TSPAN14: variants seen among roughly 807,000 people sequenced by gnomAD.
TSPAN14 encodes tetraspanin-14.
In TSPAN14, 16 loss-of-function variants were observed where a neutral mutation model predicts 36.6. The ratio of observed to expected loss-of-function variants is 0.44; its 90% CI spans 0.30 to 0.66. The LOEUF is 0.66. Among genes scored for constraint, TSPAN14 ranks in the 30% least tolerant of loss-of-function variants. The pLI is 0.12. For synonymous variants in TSPAN14, 139 were observed against 143.8 expected, an observed-to-expected ratio of 0.97 and a Z score of 0.24; for missense variants, 231 against 355.1, an observed-to-expected ratio of 0.65 and a Z score of 2.81.
chr10:80,503,092 G>T (rs1334442045), intron 2 of TSPAN14, among the ~76,000 whole-genome samples: 1 of 143,870 alleles, frequency 7.0e-6, no homozygotes, highest in African/African-American at 2.5e-5. Flanking sequence ...GAGGGAGGCA[G>T]GTCCCTGGGG....
exon 9 of TSPAN14, chr10:80,518,088 CA>C: frequency 9.2e-7 from 1 of 1,086,766 alleles, no homozygotes. Flanking sequence ...GCCAGTGCCC[CA>C]TCTTAAGCAT....
intron 1 of TSPAN14, among the ~76,000 whole-genome samples, chr10:80,472,737 G>A (rs541966892): frequency 6.6e-6 from 1 of 152,314 alleles, no homozygotes; most frequent in South Asian, 2.1e-4. Flanking sequence ...CTCTGTGTGT[G>A]TATTAGAATG....
intron 1 of TSPAN14, among the ~76,000 whole-genome samples, chr10:80,488,006 T>A (rs1210881758): frequency 3.3e-5 from 5 of 151,362 alleles, no homozygotes; most frequent in Non-Finnish European, 7.4e-5. Flanking sequence ...CAGGAAGGGG[T>A]TTTGCAAGTA....
intron 4 of TSPAN14, among the ~76,000 whole-genome samples, chr10:80,508,785 C>G (rs1840451876): frequency 1.3e-5 from 2 of 152,318 alleles, no homozygotes; most frequent in African/African-American, 2.4e-5. Flanking sequence ...GCCATAGTTT[C>G]CTCATCCCTA....
intron 2 of TSPAN14, among the ~76,000 whole-genome samples, chr10:80,498,335 T>G (rs1470426956): frequency 1.3e-5 from 2 of 152,194 alleles, no homozygotes; most frequent in Non-Finnish European, 2.9e-5. Context: ...CTTATTTTGC[T>G]GATTGACAGA....
chr10:80,474,235 T>C (rs918292409), intron 1 of TSPAN14, among the ~76,000 whole-genome samples: 3 of 152,016 alleles, frequency 2.0e-5, no homozygotes, highest in Non-Finnish European at 4.4e-5. Context: ...TGTTGAAGGA[T>C]TGGCTTCGGA....
intron 5 of TSPAN14, among the ~76,000 whole-genome samples, chr10:80,511,751 TCTCTCTCTCTC>T (rs1564745211): frequency 7.0e-6 from 1 of 143,422 alleles, no homozygotes; most frequent in Non-Finnish European, 1.5e-5. Context: ...TCTCTCTCTC[TCTCTCTCTCTC>T]TCTCTCTCTC....
At chr10:80,474,391 G>A (rs1035937294) in intron 1 of TSPAN14, among the ~76,000 whole-genome samples, 4 of 151,784 alleles carry the variant, frequency 2.6e-5, no homozygotes, top group African/African-American at 9.7e-5. Context: ...AAGGTAGAGA[G>A]CCAGGTAAGA....
At chr10:80,472,097 C>T (rs1221061717) in intron 1 of TSPAN14, among the ~76,000 whole-genome samples, 1 of 152,100 alleles carries the variant, frequency 6.6e-6, no homozygotes, top group African/African-American at 2.4e-5. Flanking sequence ...GTGACGGTGC[C>T]ACTGCACTCC....
chr10:80,501,620 A>G (rs1848530546), intron 2 of TSPAN14, among the ~76,000 whole-genome samples: 2 of 152,176 alleles, frequency 1.3e-5, no homozygotes, highest in Non-Finnish European at 2.9e-5. Flanking sequence ...GCTGTTAGGC[A>G]GGGGCTGGAA....
In TSPAN14 at chr10:80,499,902, C is replaced by A. The variant is rs559211911; in HGVS notation, c.82-4826C>A. 3.1e-5 allele frequency among the ~76,000 whole-genome samples: 4 copies of A among 127,630 alleles called. No individual in the cohort carries two copies. In the South Asian group the frequency reaches 1.1e-3, roughly 35 times the overall value. The allele number at this position is 127,630 out of a possible 152,430, so 83.7% of individuals were successfully genotyped here. On this transcript the variant is annotated intron_variant, in intron 2 of 8. Coordinates refer to ENST00000429989, the Ensembl canonical transcript of TSPAN14. ...TCTTCAGTAGGTAATTCAATTAGGT[C>A]ATGGGAGGGAGACAAAGAAGGTCAC...
At chr10:80,480,063 T>C (rs1847163364) in intron 1 of TSPAN14, among the ~76,000 whole-genome samples, 1 of 149,582 alleles carries the variant, frequency 6.7e-6, no homozygotes, top group Non-Finnish European at 1.5e-5. Context: ...CAATTGTGAA[T>C]GGGAGTTCAC....
exon 9 of TSPAN14, chr10:80,520,961 A>G (rs1841240804): frequency 2.3e-6 from 1 of 433,176 alleles, no homozygotes. Flanking sequence ...GGGGAATCCC[A>G]CTACCCACAG....
intron 2 of TSPAN14, among the ~76,000 whole-genome samples, chr10:80,502,271 G>T (rs796535497): frequency 2.0e-5 from 3 of 152,326 alleles, no homozygotes; most frequent in South Asian, 2.1e-4. Flanking sequence ...TGTGTGTGAA[G>T]CCTGGCTGCA....
intron 3 of TSPAN14, 97 bp from the exon 4 acceptor site, chr10:80,507,131 G>A (rs1589293744): frequency 6.7e-7 from 1 of 1,482,590 alleles, no homozygotes; most frequent in Non-Finnish European, 9.2e-7. Context: ...GCCTGGGGAA[G>A]CAAGTCCCTG....
chr10:80,457,337 C>T (rs1375662592), intron 1 of TSPAN14, among the ~76,000 whole-genome samples: 1 of 151,862 alleles, frequency 6.6e-6, no homozygotes, highest in Non-Finnish European at 1.5e-5. Flanking sequence ...TACAGGTGTG[C>T]ACCACCACAC....
chr10:80,479,861 T>G (rs889708172), intron 1 of TSPAN14, among the ~76,000 whole-genome samples: 6 of 150,656 alleles, frequency 4.0e-5, no homozygotes, highest in Non-Finnish European at 8.8e-5. Flanking sequence ...GGGATGGCAT[T>G]GAATCTATAA....
chr10:80,460,986 G>A (rs536774520), intron 1 of TSPAN14, among the ~76,000 whole-genome samples: 2 of 152,286 alleles, frequency 1.3e-5, no homozygotes, highest in East Asian at 1.9e-4. Flanking sequence ...TGCCTGGACT[G>A]CACACTCCTG....
intron 1 of TSPAN14, among the ~76,000 whole-genome samples, chr10:80,469,872 G>A (rs1276837779): frequency 6.6e-6 from 1 of 151,950 alleles, no homozygotes; most frequent in Non-Finnish European, 1.5e-5. Flanking sequence ...CCAGATTGCC[G>A]TCCTTTGAGG....
Sources: allele counts gnomAD v4.1 joint callset (sites outside exome capture counted in the v4.1 genomes callset), GRCh38; gene constraint gnomAD v4.1.1; transcripts MANE v1.5; gene names NCBI Gene and HGNC (gene_info 2026-07-23, HGNC 2026-07-21).